Variants in COL9A2 observed in about 807,000 individuals in gnomAD.
COL9A2 encodes the protein collagen type IX alpha 2 chain, also known as collagen alpha-2(IX) chain.
A neutral mutation model predicts 111.6 loss-of-function variants in COL9A2; 66 were observed. The observed-to-expected ratio is 0.59, with a 90% confidence interval of 0.48 to 0.73. The LOEUF (loss-of-function observed/expected upper bound fraction) is 0.73. Among genes scored for constraint, COL9A2 ranks in the 30% least tolerant of loss-of-function variants. The pLI is 0.00. For missense variants in COL9A2, 881 were observed against 954.1 expected, an observed-to-expected ratio of 0.92 and a Z score of 1.01; for synonymous variants, 353 against 364.1, an observed-to-expected ratio of 0.97 and a Z score of 0.35.
Position 40,303,731 on chromosome 1 carries a change from G to A in COL9A2, c.1402-55C>T. ...CGGGTGAGAAGGCGCCCGGGTGGGCGAGAGTGGGGGGTGGGGGTCGAGGAA... is the reference window on the plus strand; with the variant it reads ...CGGGTGAGAAGGCGCCCGGGTGGGCAAGAGTGGGGGGTGGGGGTCGAGGAA... On this transcript the variant is annotated intron_variant, in intron 27 of 31. Transcript: ENST00000372748. The surrounding 1 kb of genome is among the most constrained non-coding windows in gnomAD (Gnocchi z 4.6). 1 of 1,472,586 alleles carries A rather than the reference G, an allele frequency of 6.8e-7. No homozygotes were observed. The highest frequency in any genetic ancestry group is 9.1e-7 in the Non-Finnish European group (1 of 1,101,906). The allele number at this position is 1,472,586 out of a possible 1,614,324, so 91.2% of individuals were successfully genotyped here.
Position 40,316,922 on chromosome 1 carries a change from T to C in COL9A2, c.75+201A>G, listed in dbSNP as rs1644228089. Among the ~76,000 whole-genome samples the C allele has an allele frequency of 6.6e-6, 1 of 152,094 alleles. No individual in the cohort carries two copies. The highest frequency in any genetic ancestry group is 2.1e-4 in the South Asian group (1 of 4,826). On this transcript the variant is annotated intron_variant, in intron 1 of 31. Coordinates refer to ENST00000372748, the MANE Select transcript of COL9A2 (RefSeq NM_001852.4). The surrounding 1 kb of genome is among the most constrained non-coding windows in gnomAD (Gnocchi z 5.5). ...TCTGGGGACGGGTCCCGTTTGACTC[T>C]CCGGCTCAGCCACCTCCATTCACGG...
At position 40,305,763 on chromosome 1, in the gene COL9A2, C is replaced by T; in HGVS notation, c.1059G>A (p.Glu353=). 6.2e-7 allele frequency: 1 copy of T among 1,614,146 alleles called. No individual in the cohort carries two copies. Among genetic ancestry groups the T allele is most frequent in the Non-Finnish European group, 8.5e-7 (1 of 1,180,014 alleles). The change falls in exon 21 of 32, where the codon GAG becomes GAA. Residue 353 remains glutamate (E), a synonymous_variant. Transcript: ENST00000372748. ...GTKGGPGDQG[E]PGPQGLPGFS... ...ATCCAGGAAGGCCCTGCGGGCCCGG[C>T]TCACCCTGCAGGAAAACAGTTCTCA... is the stretch of plus-strand genomic sequence containing the variant.
intron 16 of COL9A2, among the ~76,000 whole-genome samples, chr1:40,309,634 ACACACACACT>A (rs1257466091): frequency 6.6e-6 from 1 of 151,974 alleles, no homozygotes; most frequent in Admixed American, 6.6e-5. Flanking sequence ...TTGGGCAGAC[ACACACACACT>A]CACTCACACA....
In COL9A2 at chr1:40,317,039, C is replaced by T. The variant is rs1248078827; in HGVS notation, c.75+84G>A. 4.3e-6 allele frequency: 6 copies of T among 1,385,682 alleles called. No individual in the cohort carries two copies. The highest frequency in any genetic ancestry group is 6.0e-6 in the Non-Finnish European group (6 of 996,500). 85.8% of individuals were successfully genotyped at this position (1,385,682 alleles called of 1,614,324 possible). On this transcript the variant is annotated intron_variant, in intron 1 of 31. Transcript: ENST00000372748. The surrounding 1 kb of genome is among the most constrained non-coding windows in gnomAD (Gnocchi z 4.3). ...CTCTCGGGCTAGGGGTGTCAGTAGG[C>T]GCGGGACACAGGCAGAGCTCCTCCA...
At chr1:40,305,949 C>T (rs1325137514) in intron 20 of COL9A2, among the ~76,000 whole-genome samples, 181 bp from the exon 21 acceptor site, 2 of 152,212 alleles carry the variant, frequency 1.3e-5, no homozygotes, top group Non-Finnish European at 2.9e-5. Flanking sequence ...GGATTTTAAG[C>T]CATGCCATCC....
At position 40,315,916 on chromosome 1, in the gene COL9A2, G is replaced by T. The variant is rs148852798; in HGVS notation, c.76-252C>A. On this transcript the variant is annotated intron_variant, in intron 1 of 31. Transcript: ENST00000372748. ...GCAGTCGAAGAAACTGGCTCAGAAC[G>T]TGAAGGGTCCATGGTCACTGAGAGT... 7.0e-4 allele frequency: 313 copies of T among 448,382 alleles called. 2 individuals carry two copies. In the East Asian group the frequency reaches 7.8e-3, roughly 11 times the overall value. The allele number at this position is 448,382 out of a possible 1,614,324, so 27.8% of individuals were successfully genotyped here.
chr1:40,315,598 C>G lies in COL9A2; in HGVS notation c.142G>C (p.Gly48Arg), dbSNP rs887364532. 93 of 1,552,360 alleles carry G rather than the reference C, an allele frequency of 6.0e-5. No homozygotes were observed. The highest frequency in any genetic ancestry group is 7.8e-5 in the Non-Finnish European group (90 of 1,147,212). Residue 48 changes from glycine to arginine, a missense_variant, in exon 2 of 32, where the codon GGC becomes CGC. Coordinates refer to ENST00000372748, the MANE Select transcript of COL9A2 (RefSeq NM_001852.4). ...TCAGGTTAGAGACTTACGTCGATGC[C>G]GTCGGATCCAGGCACTCCCGGCGGT... ...PGPPGVPGSD[G>R]IDGDNGPPGK...
Position 40,301,017 on chromosome 1 carries a change from C to T in COL9A2, c.*165G>A. 1 of 712,058 alleles carries T rather than the reference C, an allele frequency of 1.4e-6. No homozygotes were observed. Among genetic ancestry groups the T allele is most frequent in the Non-Finnish European group, 2.4e-6 (1 of 421,162 alleles). 44.1% of individuals were successfully genotyped at this position (712,058 alleles called of 1,614,324 possible). ...TTTTCACCCATCAGTGCTCTACCTC[C>T]CCTTCCCCCATGTTTTAGAATTCCT... is the stretch of plus-strand genomic sequence containing the variant. On this transcript the variant is annotated 3_prime_UTR_variant, in exon 32 of 32. Coordinates refer to ENST00000372748, the MANE Select transcript of COL9A2 (RefSeq NM_001852.4).
Position 40,314,444 on chromosome 1 carries a change from C to A in COL9A2, c.151-57G>T. 6.2e-7 allele frequency: 1 copy of A among 1,608,536 alleles called. No individual in the cohort carries two copies. The highest frequency in any genetic ancestry group is 8.5e-7 in the Non-Finnish European group (1 of 1,174,904). On this transcript the variant is annotated intron_variant, in intron 2 of 31. Coordinates refer to ENST00000372748, the MANE Select transcript of COL9A2 (RefSeq NM_001852.4). The surrounding 1 kb of genome is among the most constrained non-coding windows in gnomAD (Gnocchi z 4.1). ...TACGGCTCACACTACCCCAAGTGGG[C>A]ACACACAGGCCCTGGCAGGCCGCTC...
chr1:40,311,773 G>C lies in COL9A2; in HGVS notation c.418-58C>G. On this transcript the variant is annotated intron_variant, in intron 8 of 31. Coordinates refer to ENST00000372748, the MANE Select transcript of COL9A2 (RefSeq NM_001852.4). This position sits in a 1 kb window ranked among gnomAD's most constrained non-coding sequence, Gnocchi z 5.1. ...GACCAGCCCTTACCAGCTTACCCTA[G>C]TGCCCTCCTCCAGGTCCTGCCTCTG... 1 of 1,558,020 alleles carries C rather than the reference G, an allele frequency of 6.4e-7. No individual in the cohort carries two copies. The highest frequency in any genetic ancestry group is 1.1e-5 in the South Asian group (1 of 89,900).
intron 20 of COL9A2, 104 bp from the exon 21 acceptor site, chr1:40,305,872 G>T: frequency 9.8e-7 from 1 of 1,019,106 alleles, no homozygotes. Context: ...AGATGAGCTG[G>T]GACGGGGGAG....
At position 40,314,101 on chromosome 1, in the gene COL9A2, T is replaced by A; in HGVS notation, c.249+104A>T. 8.0e-7 allele frequency: 1 copy of A among 1,249,742 alleles called. No homozygotes were observed. The highest frequency in any genetic ancestry group is 1.2e-6 in the Non-Finnish European group (1 of 849,948). The allele number at this position is 1,249,742 out of a possible 1,614,324, so 77.4% of individuals were successfully genotyped here. ...GGGGCTCACAGCTGGAGAATCTCCA[T>A]CCTGCTGCCCATCTCTGAACAGATC... On this transcript the variant is annotated intron_variant, in intron 4 of 31. Transcript: ENST00000372748. The surrounding 1 kb of genome is among the most constrained non-coding windows in gnomAD (Gnocchi z 4.1).
In COL9A2 at chr1:40,304,052, G is replaced by A. The variant is rs751709020; in HGVS notation, c.1323+12C>T. ...GTTGGGGGTCGCTGGGAACAGGGGT[G>A]CTGGAACTCACCACTTTGCCGCGGG... On this transcript the variant is annotated intron_variant, in intron 25 of 31. Transcript: ENST00000372748. The A allele has an allele frequency of 6.3e-7, 1 of 1,579,530 alleles. No homozygotes were observed. The highest frequency in any genetic ancestry group is 8.6e-7 in the Non-Finnish European group (1 of 1,163,418).
At chr1:40,301,410 G>T in intron 31 of COL9A2, 29 bp from the exon 32 acceptor site, 1 of 1,584,460 alleles carries the variant, frequency 6.3e-7, no homozygotes, top group Non-Finnish European at 8.6e-7. Flanking sequence ...CAAGACATTA[G>T]GGGCACCTCT....
chr1:40,303,074 G>T lies in COL9A2; in HGVS notation c.1603+57C>A, dbSNP rs924687063. 7 of 1,553,218 alleles carry T rather than the reference G, an allele frequency of 4.5e-6. No individual in the cohort carries two copies. The South Asian group carries it at 5.8e-5, about 13-fold the overall frequency. On this transcript the variant is annotated intron_variant, in intron 29 of 31. Coordinates refer to ENST00000372748, the MANE Select transcript of COL9A2 (RefSeq NM_001852.4). This position sits in a 1 kb window ranked among gnomAD's most constrained non-coding sequence, Gnocchi z 4.6. ...TGAACACGTGGAGGCTCCGGGAGGG[G>T]GTGAGGGGGCGGCGATGCCCTCGAA...
In COL9A2 at chr1:40,312,719, C is replaced by G. The variant is rs1241565191; in HGVS notation, c.303+12G>C. ...TAGATTGCCCACGCTGAGGCCCCAGCAGGCCCCTTACCTTGACTCCAGGGA... is the reference window on the plus strand; with the variant it reads ...TAGATTGCCCACGCTGAGGCCCCAGGAGGCCCCTTACCTTGACTCCAGGGA... On this transcript the variant is annotated intron_variant, in intron 5 of 31. Coordinates refer to ENST00000372748, the MANE Select transcript of COL9A2 (RefSeq NM_001852.4). This position sits in a 1 kb window ranked among gnomAD's most constrained non-coding sequence, Gnocchi z 6.0. The G allele has an allele frequency of 6.4e-7, 1 of 1,559,220 alleles. No individual in the cohort carries two copies. The highest frequency in any genetic ancestry group is 8.7e-7 in the Non-Finnish European group (1 of 1,150,658).
Position 40,304,382 on chromosome 1 carries a change from C to G in COL9A2, c.1225G>C (p.Gly409Arg). 6.3e-7 allele frequency: 1 copy of G among 1,596,098 alleles called. No individual in the cohort carries two copies. Among genetic ancestry groups the G allele is most frequent in the Non-Finnish European group, 8.5e-7 (1 of 1,170,902 alleles). The change falls in exon 24 of 32, where the codon GGG becomes CGG. Residue 409 changes from glycine to arginine, a missense_variant. Gly to Arg is a moderately radical substitution (Grantham distance 125, BLOSUM62 -2). Coordinates refer to ENST00000372748, the MANE Select transcript of COL9A2 (RefSeq NM_001852.4). ...PGPQGRQGPK[G>R]EQGPPGIPGP... ...GGAATTCCGGGGGGGCCCTGCTCCC[C>G]CTTAGGGCCCTGAGGAGAAAAGAAA...
intron 22 of COL9A2, 64 bp from the exon 23 acceptor site, chr1:40,304,593 G>T: frequency 6.3e-7 from 1 of 1,588,336 alleles, no homozygotes; most frequent in Non-Finnish European, 8.6e-7. Context: ...CCCGCACCGA[G>T]GCCTGGCACC....
rs1643901707 is a variant in COL9A2 at position 40,300,618 on chromosome 1, AGAT to A, written c.*561_*563del. On this transcript the variant is annotated 3_prime_UTR_variant, in exon 32 of 32. Coordinates refer to ENST00000372748, the MANE Select transcript of COL9A2 (RefSeq NM_001852.4). This position sits in a 1 kb window ranked among gnomAD's most constrained non-coding sequence, Gnocchi z 4.4. ...GGGAGTTATGCGAGAAAGAGAAGGG[AGAT>A]GATGTTTAAATACTGAGCTGGGAGG... 6.5e-6 allele frequency: 1 copy of A among 153,132 alleles called. No homozygotes were observed. Among genetic ancestry groups the A allele is most frequent in the African/African-American group, 2.4e-5 (1 of 41,370 alleles). 9.5% of individuals were successfully genotyped at this position (153,132 alleles called of 1,614,324 possible).
Sources: allele counts gnomAD v4.1 joint callset (sites outside exome capture counted in the v4.1 genomes callset), GRCh38; gene constraint gnomAD v4.1.1; non-coding constraint Gnocchi (gnomAD v3.1); transcripts MANE v1.5; gene names NCBI Gene and HGNC (gene_info 2026-07-23, HGNC 2026-07-21).